The following CNTN3 variants were observed in gnomAD, a reference collection of about 807,000 sequenced individuals.
CNTN3 encodes contactin-3.
A neutral mutation model predicts 119.1 loss-of-function variants in CNTN3; 60 were observed. That is an observed-to-expected ratio of 0.50 (90% CI 0.41 to 0.62). The LOEUF (loss-of-function observed/expected upper bound fraction) is 0.62, where lower values mean the gene tolerates loss of function less well. CNTN3 is among the 20% of genes least tolerant of loss of function. CNTN3 has a pLI of 0.00. For missense variants in CNTN3, 1,101 were observed against 1,242.4 expected (o/e 0.89, Z 1.71); for synonymous variants, 450 against 438.7 (o/e 1.03, Z -0.32).
intron 14 of CNTN3, among the ~76,000 whole-genome samples, chr3:74,302,130 G>A (rs1702472331): frequency 6.6e-6 from 1 of 152,144 alleles, no homozygotes; most frequent in South Asian, 2.1e-4. Flanking sequence ...AATGTCCTCT[G>A]CTCCTGGTGT....
At chr3:74,290,411 A>C (rs1461134851) in intron 19 of CNTN3, among the ~76,000 whole-genome samples, 1 of 152,208 alleles carries the variant, frequency 6.6e-6, no homozygotes, top group Non-Finnish European at 1.5e-5. Context: ...CATCTGTCCT[A>C]AACTGAAATA....
chr3:74,327,238 C>G (rs1231508854), intron 13 of CNTN3, among the ~76,000 whole-genome samples: 1 of 150,570 alleles, frequency 6.6e-6, no homozygotes, highest in Non-Finnish European at 1.5e-5. Flanking sequence ...AAGCCATTGT[C>G]CTGGCTCAGC....
chr3:74,577,634 A>G (rs1704439896), intron 1 of CNTN3, among the ~76,000 whole-genome samples: 1 of 152,038 alleles, frequency 6.6e-6, no homozygotes, highest in Non-Finnish European at 1.5e-5. Flanking sequence ...TCCGTTCTTG[A>G]TTAGTAGCAT....
intron 2 of CNTN3, among the ~76,000 whole-genome samples, chr3:74,519,388 A>C (rs1306080610): frequency 2.0e-5 from 3 of 151,798 alleles, no homozygotes; most frequent in Non-Finnish European, 4.4e-5. Context: ...AATATGTAAA[A>C]CATTTCTCAA....
intron 4 of CNTN3, among the ~76,000 whole-genome samples, chr3:74,471,473 T>C (rs1435278956): frequency 6.6e-6 from 1 of 152,178 alleles, no homozygotes; most frequent in African/African-American, 2.4e-5. Flanking sequence ...AGTAACCATT[T>C]CCTAGTTTTC....
intron 5 of CNTN3, among the ~76,000 whole-genome samples, chr3:74,417,525 A>AATGG (rs1174522003): frequency 2.0e-5 from 3 of 152,182 alleles, no homozygotes; most frequent in Non-Finnish European, 2.9e-5. Context: ...GAATGAATAC[A>AATGG]ATGGATGGAT....
At chr3:74,454,198 T>C (rs1425313125) in intron 4 of CNTN3, among the ~76,000 whole-genome samples, 5 of 130,342 alleles carry the variant, frequency 3.8e-5, no homozygotes, top group Non-Finnish European at 8.1e-5. Flanking sequence ...GGTGCTCCTG[T>C]ATTGGGTGCA....
At chr3:74,336,754 G>T in intron 11 of CNTN3, 96 bp from the exon 12 acceptor site, 13 of 883,184 alleles carry the variant, frequency 1.5e-5, no homozygotes, top group East Asian at 3.2e-5. Flanking sequence ...CCTTAAGCTA[G>T]TATTTTTAAG....
At chr3:74,386,723 C>T (rs1362257141) in intron 5 of CNTN3, among the ~76,000 whole-genome samples, 1 of 152,156 alleles carries the variant, frequency 6.6e-6, no homozygotes, top group East Asian at 1.9e-4. Flanking sequence ...AAAATGATAA[C>T]CTTATAGGTG....
At chr3:74,513,423 A>C (rs943767421) in intron 2 of CNTN3, among the ~76,000 whole-genome samples, 1 of 152,150 alleles carries the variant, frequency 6.6e-6, no homozygotes, top group Non-Finnish European at 1.5e-5. Flanking sequence ...TAGAATAAAC[A>C]ATGAGTAACT....
At chr3:74,593,359 G>C (rs144728068) in intron 1 of CNTN3, among the ~76,000 whole-genome samples, 2 of 152,006 alleles carry the variant, frequency 1.3e-5, no homozygotes, top group Admixed American at 1.3e-4. Flanking sequence ...CTGGTACAAA[G>C]GTGATTTGCT....
chr3:74,319,502 T>C (rs1356899103), intron 13 of CNTN3, among the ~76,000 whole-genome samples: 1 of 152,058 alleles, frequency 6.6e-6, no homozygotes, highest in Non-Finnish European at 1.5e-5. Context: ...TTACACCTTA[T>C]ACAAAAATTA....
intron 5 of CNTN3, among the ~76,000 whole-genome samples, chr3:74,390,936 C>G (rs528387215): frequency 6.6e-6 from 1 of 152,098 alleles, no homozygotes; most frequent in Non-Finnish European, 1.5e-5. Context: ...TACATTTATT[C>G]GTTTTTCTGC....
chr3:74,491,985 T>G (rs1702973680), intron 3 of CNTN3, among the ~76,000 whole-genome samples: 1 of 152,136 alleles, frequency 6.6e-6, no homozygotes, highest in Non-Finnish European at 1.5e-5. Context: ...ACCCCAGCAT[T>G]TCAATCATAT....
chr3:74,407,565 G>A (rs1005920546), intron 5 of CNTN3, among the ~76,000 whole-genome samples: 1 of 150,680 alleles, frequency 6.6e-6, no homozygotes, highest in Non-Finnish European at 1.5e-5. Flanking sequence ...GAGCCACCGC[G>A]CCCGGCCAAG....
At chr3:74,506,643 CAT>C (rs1209521516) in intron 2 of CNTN3, among the ~76,000 whole-genome samples, 1 of 148,486 alleles carries the variant, frequency 6.7e-6, no homozygotes, top group East Asian at 2.0e-4. Flanking sequence ...AGCAACCCCA[CAT>C]GATTAAAAAA....
At chr3:74,605,838 T>G (rs996284836) in intron 1 of CNTN3, among the ~76,000 whole-genome samples, 4 of 152,112 alleles carry the variant, frequency 2.6e-5, no homozygotes, top group Non-Finnish European at 4.4e-5. Flanking sequence ...TAACTCAGAT[T>G]CAAGGGAAAG....
At chr3:74,605,113 GA>G (rs556509809) in intron 1 of CNTN3, among the ~76,000 whole-genome samples, 209 of 152,256 alleles carry the variant, frequency 1.4e-3, no homozygotes, top group Non-Finnish European at 2.0e-3. Flanking sequence ...TAGAAGTAGA[GA>G]ATAGAATGGT....
chr3:74,566,974 T>C (rs1050917404), intron 1 of CNTN3, among the ~76,000 whole-genome samples: 2 of 152,036 alleles, frequency 1.3e-5, no homozygotes, highest in African/African-American at 2.4e-5. Context: ...CAATTAGAAT[T>C]TCAGGAGATA....
Sources: allele counts gnomAD v4.1 joint callset (sites outside exome capture counted in the v4.1 genomes callset), GRCh38; gene constraint gnomAD v4.1.1; transcripts MANE v1.5; gene names NCBI Gene and HGNC (gene_info 2026-07-23, HGNC 2026-07-21).